The following GFI1B variants were observed in gnomAD, a reference collection of about 807,000 sequenced individuals.
The protein encoded by GFI1B is zinc finger protein Gfi-1b.
Under a neutral mutation model 35.3 loss-of-function variants are expected in GFI1B, and 20 were observed. The ratio of observed to expected loss-of-function variants is 0.57; its 90% confidence interval spans 0.40 to 0.82. The LOEUF is 0.82. Ranked by LOEUF, GFI1B falls within the 40% of genes least tolerant of loss-of-function variation. The probability of loss-of-function intolerance (pLI) is 0.00; values close to 1 mark genes in which losing one functional copy is unlikely to be tolerated. For missense variants in GFI1B, 430 were observed against 446.3 expected, an observed-to-expected ratio of 0.96 and a Z score of 0.33; for synonymous variants, 178 against 177.6, an observed-to-expected ratio of 1.00 and a Z score of -0.02.
intron 1 of GFI1B, among the ~76,000 whole-genome samples, chr9:132,949,386 A>C (rs968741448): frequency 6.6e-6 from 1 of 151,898 alleles, no homozygotes; most frequent in Non-Finnish European, 1.5e-5. Context: ...GACCTGGATC[A>C]GGGCTGAAAA....
intron 3 of GFI1B, among the ~76,000 whole-genome samples, chr9:132,987,769 A>C (rs1849127838): frequency 6.6e-6 from 1 of 152,130 alleles, no homozygotes; most frequent in African/African-American, 2.4e-5. Flanking sequence ...TGACACCCTG[A>C]AACCCTCCAC....
At chr9:132,965,771 C>T (rs144871522) in intron 1 of GFI1B, among the ~76,000 whole-genome samples, 3 of 152,128 alleles carry the variant, frequency 2.0e-5, no homozygotes, top group East Asian at 1.9e-4. Flanking sequence ...CCAATCCTGC[C>T]GACACCTTGA....
chr9:132,971,491 C>A (rs544500400), intron 1 of GFI1B, among the ~76,000 whole-genome samples: 1 of 152,274 alleles, frequency 6.6e-6, no homozygotes, highest in East Asian at 1.9e-4. Context: ...AACTTCCAAG[C>A]TGGGGGAGTT....
intron 1 of GFI1B, among the ~76,000 whole-genome samples, chr9:132,950,332 C>G (rs1181585941): frequency 1.3e-5 from 2 of 151,960 alleles, no homozygotes; most frequent in East Asian, 1.9e-4. Flanking sequence ...CAAAAAGACC[C>G]CTGCCCTGAG....
At chr9:132,970,472 G>T (rs1048998264) in intron 1 of GFI1B, among the ~76,000 whole-genome samples, 58 of 152,146 alleles carry the variant, frequency 3.8e-4, no homozygotes, top group Admixed American at 2.4e-3. Flanking sequence ...GAGAGAGCTT[G>T]TTGGGAAGAG....
chr9:132,981,096 A>G (rs586882), intron 1 of GFI1B, among the ~76,000 whole-genome samples: 17,175 of 152,158 alleles, frequency 0.11, 1,137 homozygotes, highest in Middle Eastern at 0.18. Context: ...GGGTTTCGCC[A>G]TTTTGGCCAG....
chr9:132,985,554 G>A (rs1405776492), intron 1 of GFI1B, among the ~76,000 whole-genome samples: 2 of 152,200 alleles, frequency 1.3e-5, no homozygotes, highest in African/African-American at 4.8e-5. Flanking sequence ...CTAGGGAACA[G>A]ACTCTGGGCC....
upstream of GFI1B, among the ~76,000 whole-genome samples, chr9:132,975,678 T>C (rs75112552): frequency 5.1e-3 from 777 of 152,314 alleles, 4 homozygotes; most frequent in Non-Finnish European, 6.4e-3. Flanking sequence ...TCGATACACA[T>C]GTGTTACATA....
rs605441 is a variant in GFI1B at position 132,988,892 on chromosome 9, G to A, written c.511-169G>A. ...GAGACTGAGCCACAGAGAGGCAAACGGACCTCCCTGGGACACACAGCAAGC... is the reference window on the plus strand; with the variant it reads ...GAGACTGAGCCACAGAGAGGCAAACAGACCTCCCTGGGACACACAGCAAGC... On this transcript the variant is annotated intron_variant, in intron 4 of 6. Transcript: ENST00000372122. Among the ~76,000 whole-genome samples, 12,438 of 151,916 alleles carry A rather than the reference G, an allele frequency of 0.082. 1,752 individuals carry two copies. Among genetic ancestry groups the A allele is most frequent in the African/African-American group, 0.28 (11,697 of 41,348 alleles).
chr9:132,948,767 C>T (rs2132579050), intron 1 of GFI1B, among the ~76,000 whole-genome samples: 1 of 152,352 alleles, frequency 6.6e-6, no homozygotes. Flanking sequence ...CGCCCAGAGG[C>T]TTCACACCGC....
At chr9:132,984,716 A>G (rs964860359) in intron 1 of GFI1B, among the ~76,000 whole-genome samples, 11 of 152,174 alleles carry the variant, frequency 7.2e-5, no homozygotes, top group Non-Finnish European at 1.6e-4. Context: ...AGATATGAGC[A>G]CTGAGGCTCA....
chr9:132,958,826 G>T (rs1669791201), intron 1 of GFI1B, among the ~76,000 whole-genome samples: 1 of 152,246 alleles, frequency 6.6e-6, no homozygotes, highest in African/African-American at 2.4e-5. Context: ...GACAGGCCCA[G>T]TGGATTTGGA....
chr9:132,973,687 A>G (rs560732027), intron 2 of GFI1B, among the ~76,000 whole-genome samples: 3 of 152,212 alleles, frequency 2.0e-5, no homozygotes, highest in Non-Finnish European at 4.4e-5. Flanking sequence ...CATTCCAGAC[A>G]AGGGGAACAG....
Position 132,989,944 on chromosome 9 carries a change from A to T in GFI1B, c.814+37A>T. 3.1e-6 allele frequency: 5 copies of T among 1,590,418 alleles called. No individual in the cohort carries two copies. The highest frequency in any genetic ancestry group is 4.3e-6 in the Non-Finnish European group (5 of 1,158,800). On this transcript the variant is annotated intron_variant, in intron 6 of 6. Transcript: ENST00000372122. The surrounding 1 kb of genome is among the most constrained non-coding windows in gnomAD (Gnocchi z 6.2). ...TCACCTGCCTGTGCCCCCTGGGCAG[A>T]GCACCCCCACCTTTCCCTGAGAGAT...
chr9:132,952,116 T>C (rs976355304), intron 1 of GFI1B: 3 of 152,126 alleles, frequency 2.0e-5, no homozygotes, highest in Non-Finnish European at 4.4e-5. Context: ...GTTTTTAATA[T>C]TATTTTGTGT....
At position 132,991,350 on chromosome 9, in the gene GFI1B, G is replaced by A; in HGVS notation, c.*300G>A. On this transcript the variant is annotated 3_prime_UTR_variant, in exon 7 of 7. Transcript: ENST00000372122. ...GCACAGAAAGCTAGAATACCCCCAG[G>A]GAGACAGGGATGCCAAGAGTAGACC... 1 of 438,624 alleles carries A rather than the reference G, an allele frequency of 2.3e-6. No individual in the cohort carries two copies. The highest frequency in any genetic ancestry group is 4.6e-5 in the East Asian group (1 of 21,526). 27.2% of individuals were successfully genotyped at this position (438,624 alleles called of 1,614,324 possible).
intron 1 of GFI1B, among the ~76,000 whole-genome samples, chr9:132,986,452 G>A (rs963751005): frequency 3.9e-5 from 6 of 152,090 alleles, no homozygotes; most frequent in Admixed American, 6.5e-5. Flanking sequence ...ATCCTAACCC[G>A]GAATGACCTC....
chr9:132,969,315 G>A (rs886776124), intron 1 of GFI1B, among the ~76,000 whole-genome samples: 18 of 152,222 alleles, frequency 1.2e-4, no homozygotes, highest in Non-Finnish European at 1.0e-4. Context: ...ACAGGCGTGA[G>A]CCACTGTGCC....
intron 1 of GFI1B, among the ~76,000 whole-genome samples, chr9:132,961,432 A>C (rs568734826): frequency 7.0e-4 from 107 of 151,818 alleles, no homozygotes; most frequent in African/African-American, 1.8e-3. Flanking sequence ...CAAAAAAAAA[A>C]AACAACAGAA....
Sources: gnomAD v4.1 joint callset for allele counts (sites outside exome capture counted in the v4.1 genomes callset) on GRCh38, gnomAD v4.1.1 for gene constraint, Gnocchi (gnomAD v3.1) non-coding constraint, MANE v1.5 for transcripts, NCBI Gene and HGNC (gene_info 2026-07-23, HGNC 2026-07-21) for gene names.